Variants in ASTN2 observed in about 807,000 individuals in gnomAD.
ASTN2 encodes astrotactin-2.
ASTN2 carries 54 observed loss-of-function variants against 139.8 expected under a neutral mutation model. The ratio of observed to expected loss-of-function variants is 0.39; its 90% CI spans 0.31 to 0.48. The LOEUF is 0.48. Ranked by LOEUF, ASTN2 falls within the 20% of genes least tolerant of loss-of-function variation. The pLI, the probability that ASTN2 is intolerant of heterozygous loss-of-function variation, is 0.95. For synonymous variants in ASTN2, 756 were observed against 719.5 expected, an observed-to-expected ratio of 1.05 and a Z score of -0.81; for missense variants, 1,565 against 1,725.1, an observed-to-expected ratio of 0.91 and a Z score of 1.64.
At chr9:116,670,827 CATT>C (rs1316933085) in intron 16 of ASTN2, among the ~76,000 whole-genome samples, 1 of 152,056 alleles carries the variant, frequency 6.6e-6, no homozygotes, top group African/African-American at 2.4e-5. Flanking sequence ...TTGGCAATAA[CATT>C]ATTATTATTA....
At chr9:116,831,283 A>G (rs1831807647) in intron 11 of ASTN2, among the ~76,000 whole-genome samples, 2 of 152,190 alleles carry the variant, frequency 1.3e-5, no homozygotes, top group South Asian at 4.1e-4. Context: ...GATGGGTATA[A>G]TAAAAGCTCA....
rs894916387 is a variant in ASTN2 at position 116,737,930 on chromosome 9, C to A, written c.2397-4407G>T. On this transcript the variant is annotated intron_variant, in intron 13 of 22. Transcript: ENST00000313400. ...CATATTGGCCGGGCGCGGTGGCTCACGCCTGTAATCCCAGCACTTTGGGAG... is the reference window on the plus strand; with the variant it reads ...CATATTGGCCGGGCGCGGTGGCTCAAGCCTGTAATCCCAGCACTTTGGGAG... Among the ~76,000 whole-genome samples, 6 of 152,010 alleles carry A rather than the reference C, an allele frequency of 3.9e-5. No homozygotes were observed. The South Asian group carries it at 6.2e-4, about 16-fold the overall frequency.
chr9:116,738,402 G>A (rs907617834), intron 13 of ASTN2, among the ~76,000 whole-genome samples: 37 of 151,920 alleles, frequency 2.4e-4, no homozygotes, highest in Non-Finnish European at 1.5e-5. Context: ...TCGGGAGGCT[G>A]AGGCATGAGA....
intron 19 of ASTN2, among the ~76,000 whole-genome samples, chr9:116,556,882 A>G (rs1278923767): frequency 6.6e-6 from 1 of 152,174 alleles, no homozygotes; most frequent in Non-Finnish European, 1.5e-5. Context: ...TATATTATTT[A>G]TGTAGAATAC....
At chr9:116,888,866 C>A (rs910914277) in intron 10 of ASTN2, among the ~76,000 whole-genome samples, 2 of 152,142 alleles carry the variant, frequency 1.3e-5, no homozygotes, top group Admixed American at 6.5e-5. Flanking sequence ...ACAATCCCCC[C>A]TCAAGGTCCC....
intron 6 of ASTN2, among the ~76,000 whole-genome samples, chr9:117,017,685 T>G (rs1035901670): frequency 2.6e-5 from 4 of 152,338 alleles, no homozygotes; most frequent in Admixed American, 2.0e-4. Context: ...AAGGCCTTCA[T>G]GTTTTTTTAT....
intron 19 of ASTN2, among the ~76,000 whole-genome samples, chr9:116,537,513 T>C (rs1465756709): frequency 6.6e-6 from 1 of 152,224 alleles, no homozygotes; most frequent in East Asian, 1.9e-4. Flanking sequence ...AATGTATACA[T>C]GTGGTAGGAA....
intron 7 of ASTN2, among the ~76,000 whole-genome samples, chr9:116,995,751 T>A (rs1039433763): frequency 3.9e-5 from 6 of 152,196 alleles, no homozygotes. Flanking sequence ...TGTGATTTAG[T>A]TTCCTCACTT....
intron 1 of ASTN2, among the ~76,000 whole-genome samples, chr9:117,407,972 G>T (rs1831045554): frequency 6.6e-6 from 1 of 152,102 alleles, no homozygotes; most frequent in Non-Finnish European, 1.5e-5. Flanking sequence ...TTCCTGAAAA[G>T]AGCAGATTTC....
chr9:116,606,045 C>T (rs1855179227), intron 19 of ASTN2, among the ~76,000 whole-genome samples: 1 of 152,164 alleles, frequency 6.6e-6, no homozygotes, highest in African/African-American at 2.4e-5. Flanking sequence ...GGCCCAGCTT[C>T]TTACTCCCAC....
At position 117,141,405 on chromosome 9, in the gene ASTN2, C is replaced by T. The variant is rs114459734; in HGVS notation, c.1089G>A (p.Thr363=). The change falls in exon 4 of 23, where the codon ACG becomes ACA. Residue 363 remains threonine (T), a synonymous_variant. Transcript: ENST00000313400. Reference sequence around the variant, plus strand: ...GTTGCAGCTGACCGATCTCGATGGGCGTGTTAGCGCGGAAACTCTCCTTGA... The same window carrying T: ...GTTGCAGCTGACCGATCTCGATGGGTGTGTTAGCGCGGAAACTCTCCTTGA... ...QKFKESFRAN[T]PIEIGQLQPP... The T allele has an allele frequency of 1.4e-3, 1,907 of 1,367,518 alleles. 20 individuals are homozygous for T. In the African/African-American group the frequency reaches 0.025, roughly 18 times the overall value. The allele number at this position is 1,367,518 out of a possible 1,614,324, so 84.7% of individuals were successfully genotyped here.
chr9:117,327,217 G>A (rs1168870862), intron 1 of ASTN2, among the ~76,000 whole-genome samples: 1 of 152,194 alleles, frequency 6.6e-6, no homozygotes, highest in African/African-American at 2.4e-5. Context: ...ACCTCCTGCT[G>A]TGCCATCTGG....
intron 17 of ASTN2, among the ~76,000 whole-genome samples, chr9:116,633,540 G>C (rs374560282): frequency 1.2e-4 from 18 of 152,312 alleles, no homozygotes; most frequent in African/African-American, 4.1e-4. Context: ...AGAACATCTG[G>C]AGATGAGAGG....
At chr9:116,884,563 A>G (rs1833540409) in intron 10 of ASTN2, among the ~76,000 whole-genome samples, 1 of 151,354 alleles carries the variant, frequency 6.6e-6, no homozygotes, top group East Asian at 2.0e-4. Flanking sequence ...TACCAGAGGA[A>G]TCTCTTGATT....
At chr9:117,161,131 T>C (rs899875255) in intron 3 of ASTN2, among the ~76,000 whole-genome samples, 1 of 152,042 alleles carries the variant, frequency 6.6e-6, no homozygotes, top group African/African-American at 2.4e-5. Context: ...TGAGATAACA[T>C]GTTAAAGCAT....
chr9:117,110,554 A>G (rs779874607), intron 4 of ASTN2, among the ~76,000 whole-genome samples: 26 of 152,232 alleles, frequency 1.7e-4, no homozygotes, highest in Non-Finnish European at 3.8e-4. Context: ...ATTAATATCA[A>G]ATACAGAGGA....
At chr9:116,836,072 A>G (rs1831980399) in intron 11 of ASTN2, among the ~76,000 whole-genome samples, 1 of 152,148 alleles carries the variant, frequency 6.6e-6, no homozygotes, top group Admixed American at 6.5e-5. Context: ...GCCTTCTCTG[A>G]TACCCCAAAG....
intron 13 of ASTN2, among the ~76,000 whole-genome samples, chr9:116,758,985 C>T (rs1829603806): frequency 6.6e-6 from 1 of 152,166 alleles, no homozygotes; most frequent in African/African-American, 2.4e-5. Context: ...CCTCAAACTT[C>T]TGGGCCCAAG....
chr9:116,986,080 A>G (rs1329391275), intron 7 of ASTN2, among the ~76,000 whole-genome samples: 1 of 152,112 alleles, frequency 6.6e-6, no homozygotes, highest in East Asian at 1.9e-4. Flanking sequence ...CCAGACGTGT[A>G]GGCAGCACTT....
Sources: allele counts gnomAD v4.1 joint callset (sites outside exome capture counted in the v4.1 genomes callset), GRCh38; gene constraint gnomAD v4.1.1; transcripts MANE v1.5; gene names NCBI Gene and HGNC (gene_info 2026-07-23, HGNC 2026-07-21).